The following MLXIPL variants were observed in gnomAD, a reference collection of about 807,000 sequenced individuals.
MLXIPL encodes the protein carbohydrate-responsive element-binding protein.
Under a neutral mutation model 81.5 loss-of-function variants are expected in MLXIPL, and 49 were observed. The observed-to-expected ratio is 0.60, with a 90% confidence interval of 0.48 to 0.76. MLXIPL has a LOEUF of 0.76. MLXIPL is among the 30% of genes least tolerant of loss of function. The pLI is 0.00. For synonymous variants in MLXIPL, 466 were observed against 485.5 expected (o/e 0.96, Z 0.53); for missense variants, 1,053 against 1,167.0 (o/e 0.90, Z 1.42).
Position 73,597,224 on chromosome 7 carries a change from C to T in MLXIPL, c.1561G>A (p.Ala521Thr), listed in dbSNP as rs1274074665. 5 of 1,604,602 alleles carry T rather than the reference C, an allele frequency of 3.1e-6. No homozygotes were observed. The African/African-American group carries it at 5.4e-5, about 17-fold the overall frequency. ...APATASPPTT[A>T]GSNNPCLTQL... ...GTGAGGCAGGGGTTGTTGCTCCCCG[C>T]AGTGGTGGGGGGACTGGCAGTGGCA... is the stretch of plus-strand genomic sequence containing the variant. The change falls in exon 9 of 17, where the codon GCG (alanine) becomes ACG (threonine). Residue 521 changes from alanine (A) to threonine (T), a missense_variant. Ala to Thr is a moderately conservative substitution (Grantham distance 58). This residue lies in a region of MLXIPL where 823 missense variants were observed against 933.0 expected (regional missense o/e 0.88). Transcript: ENST00000313375.
chr7:73,636,626 G>A, the MLXIPL span, among the ~76,000 whole-genome samples: 1 of 152,118 alleles, frequency 6.6e-6, no homozygotes, highest in Non-Finnish European at 1.5e-5. Context: ...CTCCATGCTA[G>A]GCTTGGCTCC....
intron 2 of MLXIPL, among the ~76,000 whole-genome samples, chr7:73,613,589 C>G (rs1795831365): frequency 6.6e-6 from 1 of 152,062 alleles, no homozygotes; most frequent in South Asian, 2.1e-4. Flanking sequence ...CAGAGCAAGA[C>G]TGTTTCAAAA....
Position 73,597,397 on chromosome 7 carries a change from G to A in MLXIPL, c.1388C>T (p.Pro463Leu), listed in dbSNP as rs1225153934. 4 of 1,438,496 alleles carry A rather than the reference G, an allele frequency of 2.8e-6. No individual in the cohort carries two copies. Among genetic ancestry groups the A allele is most frequent in the Non-Finnish European group, 3.7e-6 (4 of 1,090,466 alleles). The allele number at this position is 1,438,496 out of a possible 1,614,324, so 89.1% of individuals were successfully genotyped here. ...GGGGAAGGGGGTGGGGGCTGGGCTG[G>A]GGACAGACTGTGGGGTGGGTGGGAA... ...AAFPPTPQSV[P>L]SPAPTPFPIE... Residue 463 changes from proline to leucine, a missense_variant, in exon 9 of 17, where the codon CCC (proline) becomes CTC (leucine). Coordinates refer to ENST00000313375, the MANE Select transcript of MLXIPL (RefSeq NM_032951.3).
At chr7:73,621,715 A>ATCTCCCTCCCTCCCTCCC (rs1796371102) in intron 1 of MLXIPL, among the ~76,000 whole-genome samples, 1 of 11,192 alleles carries the variant, frequency 8.9e-5, no homozygotes, top group Non-Finnish European at 1.8e-4. Flanking sequence ...CCCTCCCTCC[A>ATCTCCCTCCCTCCCTCCC]TCTCTCTCCA....
intron 2 of MLXIPL, among the ~76,000 whole-genome samples, chr7:73,612,133 C>G (rs1795725792): frequency 6.6e-6 from 1 of 151,946 alleles, no homozygotes; most frequent in Non-Finnish European, 1.5e-5. Flanking sequence ...TGAGACCAGC[C>G]TGAGCAACCT....
At chr7:73,634,805 T>TTTTTTATTATTATTATTATTATTA in the MLXIPL span, among the ~76,000 whole-genome samples, 17 of 147,022 alleles carry the variant, frequency 1.2e-4, no homozygotes, top group Middle Eastern at 0.011. Context: ...TCTATATGTA[T>TTTTTTATTATTATTATTATTATTA]TTATTATTAT....
chr7:73,624,061 G>T, intron 1 of MLXIPL, 139 bp downstream of exon 1: 1 of 1,205,650 alleles, frequency 8.3e-7, no homozygotes, highest in Non-Finnish European at 1.1e-6. Context: ...GGGGTGTCCA[G>T]GGCGTGATCG....
At chr7:73,624,529 C>T, upstream of MLXIPL, 3 of 1,504,934 alleles carry the variant, frequency 2.0e-6, no homozygotes, top group Non-Finnish European at 2.6e-6. Flanking sequence ...CCCTGCTCCG[C>T]GCAGCGCGGG....
rs1796506062 is a variant in MLXIPL, at chr7:73,623,337, A to C, written c.293+863T>G. Among the ~76,000 whole-genome samples, 1 of 152,144 alleles carries C rather than the reference A, an allele frequency of 6.6e-6. No individual in the cohort carries two copies. Among genetic ancestry groups the C allele is most frequent in the Non-Finnish European group, 1.5e-5 (1 of 68,036 alleles). On this transcript the variant is annotated intron_variant, in intron 1 of 16. Coordinates refer to ENST00000313375, the MANE Select transcript of MLXIPL (RefSeq NM_032951.3). This position sits in a 1 kb window ranked among gnomAD's most constrained non-coding sequence, Gnocchi z 5.7. The stretch of plus-strand genomic sequence containing the variant: ...TCTCCCCTACGGGTTTTCGGTTGAT[A>C]ATTTATACTGGCCCCTCAACTCCGG...
At chr7:73,617,893 C>T (rs1796095326) in intron 1 of MLXIPL, among the ~76,000 whole-genome samples, 1 of 152,128 alleles carries the variant, frequency 6.6e-6, no homozygotes. Context: ...TGGTGAGGGT[C>T]CTGCTAGGCA....
chr7:73,647,601 T>A, the MLXIPL span, among the ~76,000 whole-genome samples: 1 of 152,166 alleles, frequency 6.6e-6, no homozygotes, highest in Non-Finnish European at 1.5e-5. Flanking sequence ...TCCTGGCAGC[T>A]GAGGCTGAGC....
Position 73,596,568 on chromosome 7 carries a change from A to C in MLXIPL, c.1822+71T>G, listed in dbSNP as rs1794323970. 3 of 1,599,502 alleles carry C rather than the reference A, an allele frequency of 1.9e-6. No homozygotes were observed. Among genetic ancestry groups the C allele is most frequent in the Admixed American group, 1.7e-5 (1 of 57,596 alleles). On this transcript the variant is annotated intron_variant, in intron 11 of 16. Transcript: ENST00000313375. This position sits in a 1 kb window ranked among gnomAD's most constrained non-coding sequence, Gnocchi z 4.7. The stretch of plus-strand genomic sequence containing the variant: ...CTTCCTCTCATCTGGCCCCAGACCC[A>C]GTCCCCTTCTTCTTCCTCCTCTTCC...
chr7:73,620,388 A>G (rs1796265714), intron 1 of MLXIPL, among the ~76,000 whole-genome samples: 1 of 151,924 alleles, frequency 6.6e-6, no homozygotes, highest in South Asian at 2.1e-4. Context: ...TGAGTGTCAC[A>G]GCGAGACTCT....
intron 2 of MLXIPL, 82 bp downstream of exon 2, chr7:73,615,989 C>T: frequency 8.7e-7 from 1 of 1,146,054 alleles, no homozygotes; most frequent in Non-Finnish European, 1.3e-6. Context: ...TTTTCCTGGG[C>T]AGCCACCATG....
At chr7:73,608,547 A>G (rs1369472443) in intron 2 of MLXIPL, among the ~76,000 whole-genome samples, 1 of 152,040 alleles carries the variant, frequency 6.6e-6, no homozygotes, top group Non-Finnish European at 1.5e-5. Flanking sequence ...ACGCCACTGC[A>G]TTCCAGCCTG....
At chr7:73,599,797 C>T (rs1794640625) in intron 7 of MLXIPL, 102 bp from the exon 8 acceptor site, 2 of 1,186,232 alleles carry the variant, frequency 1.7e-6, no homozygotes, top group Admixed American at 2.3e-5. Context: ...CGGGTGGGGA[C>T]ATGGGGACTG....
intron 1 of MLXIPL, among the ~76,000 whole-genome samples, chr7:73,617,551 A>T (rs1466246254): frequency 2.0e-5 from 3 of 152,004 alleles, no homozygotes; most frequent in Non-Finnish European, 4.4e-5. Context: ...TGTCCATCAA[A>T]TCCACAGGAT....
At chr7:73,608,902 C>A (rs1397819318) in intron 2 of MLXIPL, among the ~76,000 whole-genome samples, 2 of 152,188 alleles carry the variant, frequency 1.3e-5, no homozygotes, top group Non-Finnish European at 2.9e-5. Context: ...TCATAGCTCA[C>A]TGAAGCCTTG....
intron 15 of MLXIPL, 25 bp downstream of exon 15, chr7:73,595,612 C>A (rs1794213369): frequency 1.9e-6 from 3 of 1,614,118 alleles, no homozygotes; most frequent in Non-Finnish European, 2.5e-6. Context: ...TGCAGCCCCC[C>A]AGCCATGGGC....
Sources: allele counts gnomAD v4.1 joint callset (sites outside exome capture counted in the v4.1 genomes callset), GRCh38; gene constraint gnomAD v4.1.1; regional missense constraint gnomAD v4.1.1; non-coding constraint Gnocchi (gnomAD v3.1); transcripts MANE v1.5; gene names NCBI Gene and HGNC (gene_info 2026-07-23, HGNC 2026-07-21).